Variants in SPG11 observed in about 807,000 individuals in gnomAD.
SPG11 encodes the protein spatacsin.
A neutral mutation model predicts 274.0 loss-of-function variants in SPG11; 222 were observed. The observed-to-expected ratio is 0.81, with a 90% CI of 0.73 to 0.91. SPG11 has a LOEUF of 0.91. Among genes scored for constraint, SPG11 ranks in the 40% least tolerant of loss-of-function variants. The pLI, the probability that SPG11 is intolerant of heterozygous loss-of-function variation, is 0.00. For missense variants in SPG11, 3,114 were observed against 2,872.7 expected (o/e 1.08, Z -1.92); for synonymous variants, 1,144 against 1,039.7 (o/e 1.10, Z -1.93).
chr15:44,572,704 G>C lies in SPG11; in HGVS notation c.6322C>G (p.Pro2108Ala), dbSNP rs1215626378. ...MKLLDKISSVPHGELSCTTEL... is the reference protein window; with the variant it reads ...MKLLDKISSVAHGELSCTTEL... ...TTACTGCAAGACAGTTCCCCATGGG[G>C]AACGGAGGAAATCTTATCCAACAAC... The change falls in exon 33 of 40, where the codon CCC becomes GCC. Residue 2108 changes from proline (P) to alanine (A), a missense_variant. By Grantham distance (27) the Pro-to-Ala change is conservative (BLOSUM62 -1). Transcript: ENST00000261866. 6.2e-7 allele frequency: 1 copy of C among 1,614,166 alleles called. No individual in the cohort carries two copies. The highest frequency in any genetic ancestry group is 1.7e-5 in the Admixed American group (1 of 60,008).
chr15:44,636,968 A>AAAAAAAAG (rs2084294668), intron 7 of SPG11, among the ~76,000 whole-genome samples: 1 of 146,634 alleles, frequency 6.8e-6, no homozygotes, highest in Non-Finnish European at 1.5e-5. Flanking sequence ...CAAAAAAAAA[A>AAAAAAAAG]CACAAATGTG....
chr15:44,600,338 G>A (rs1332144941), intron 21 of SPG11, 129 bp downstream of exon 21: 1 of 936,492 alleles, frequency 1.1e-6, no homozygotes, highest in Non-Finnish European at 1.7e-6. Flanking sequence ...AGGCTAGAGT[G>A]CAGTGGCATG....
intron 31 of SPG11, 60 bp from the exon 32 acceptor site, chr15:44,573,805 C>G: frequency 6.5e-7 from 1 of 1,536,532 alleles, no homozygotes; most frequent in South Asian, 1.1e-5. Flanking sequence ...AGCAAAAGAG[C>G]CCTTTCTGAA....
Position 44,600,604 on chromosome 15 carries a change from A to C in SPG11, c.3549T>G (p.Ser1183=), listed in dbSNP as rs751428578. The C allele has an allele frequency of 1.6e-5, 26 of 1,613,892 alleles. No homozygotes were observed. In the Admixed American group the frequency reaches 4.2e-4, roughly 26 times the overall value. ...GDAWSHLPHF[S]SPDLVNKYAI... ...CATATTTATTAACCAGGTCAGGGCT[A>C]GAGAAATGTGGGAGATGACTCCATG... The change falls in exon 21 of 40, where the codon TCT becomes TCG. Residue 1183 remains serine, a synonymous_variant. Coordinates refer to ENST00000261866, the MANE Select transcript of SPG11 (RefSeq NM_025137.4).
chr15:44,605,348 C>G (rs78981449), intron 20 of SPG11, among the ~76,000 whole-genome samples: 1 of 152,106 alleles, frequency 6.6e-6, no homozygotes, highest in South Asian at 2.1e-4. Flanking sequence ...AAAACACATA[C>G]ATTAAGAAAT....
chr15:44,642,521 A>G (rs1310210269), intron 7 of SPG11, among the ~76,000 whole-genome samples: 1 of 151,786 alleles, frequency 6.6e-6, no homozygotes, highest in Non-Finnish European at 1.5e-5. Context: ...TTATTTGGGG[A>G]TACATTTATA....
chr15:44,590,917 G>A (rs1441505486), intron 27 of SPG11: 1 of 152,156 alleles, frequency 6.6e-6, no homozygotes, highest in Non-Finnish European at 1.5e-5. Flanking sequence ...CTTTTTGGCT[G>A]TGACGTAGGT....
At chr15:44,598,083 T>C (rs923725622) in intron 23 of SPG11, among the ~76,000 whole-genome samples, 182 bp downstream of exon 23, 1 of 152,194 alleles carries the variant, frequency 6.6e-6, no homozygotes, top group Non-Finnish European at 1.5e-5. Context: ...TTTTCACTGA[T>C]GGCAAGATGC....
At chr15:44,591,884 T>G (rs1436693423) in intron 27 of SPG11, among the ~76,000 whole-genome samples, 2 of 151,992 alleles carry the variant, frequency 1.3e-5, no homozygotes, top group African/African-American at 4.8e-5. Context: ...CTGAAGTGGG[T>G]GGATCACTTG....
Position 44,589,376 on chromosome 15 carries a change from A to G in SPG11, c.4782T>C (p.Pro1594=). The G allele has an allele frequency of 6.2e-7, 1 of 1,614,166 alleles. No individual in the cohort carries two copies. Among genetic ancestry groups the G allele is most frequent in the Non-Finnish European group, 8.5e-7 (1 of 1,179,964 alleles). The stretch of plus-strand genomic sequence containing the variant: ...ACACCTGATCCTCCAGCCACATGGC[A>G]GGGATGACAGGGTGGACCTTTGTGG... ...TAATKVHPVI[P]AMWLEDQVCF... The change falls in exon 28 of 40, where the codon CCT becomes CCC. Residue 1594 remains proline (P), a synonymous_variant. Coordinates refer to ENST00000261866, the MANE Select transcript of SPG11 (RefSeq NM_025137.4).
intron 38 of SPG11, among the ~76,000 whole-genome samples, chr15:44,564,985 C>T (rs1271770612): frequency 6.6e-6 from 1 of 152,190 alleles, no homozygotes; most frequent in Non-Finnish European, 1.5e-5. Context: ...GATCCTCCCG[C>T]CTCAGCCTCC....
In SPG11 at chr15:44,638,585, C is replaced by G. The variant is rs144294439; in HGVS notation, c.1603-4948G>C. Reference sequence around the variant, plus strand: ...TACATTATATTTCCTAGGATAGCTTCTTAAAGAACAGAAAGTGAATAATTT... The same window carrying G: ...TACATTATATTTCCTAGGATAGCTTGTTAAAGAACAGAAAGTGAATAATTT... On this transcript the variant is annotated intron_variant, in intron 7 of 39. Transcript: ENST00000261866. Among the ~76,000 whole-genome samples the G allele has an allele frequency of 7.6e-3, 1,143 of 150,366 alleles. 17 individuals are homozygous for G. The highest frequency in any genetic ancestry group is 0.026 in the African/African-American group (1,056 of 40,886).
At chr15:44,566,168 C>A in intron 37 of SPG11, 49 bp downstream of exon 37, 4 of 1,606,710 alleles carry the variant, frequency 2.5e-6, no homozygotes, top group Non-Finnish European at 3.4e-6. Context: ...AATAATTTTA[C>A]TGCAGACAGC....
intron 33 of SPG11, among the ~76,000 whole-genome samples, chr15:44,571,935 G>A (rs956222188): frequency 2.0e-5 from 3 of 152,180 alleles, no homozygotes; most frequent in African/African-American, 7.2e-5. Context: ...GGGACTACAG[G>A]TGTGCACCAC....
At position 44,659,134 on chromosome 15, in the gene SPG11, A is replaced by G. The variant is rs906644527; in HGVS notation, c.612T>C (p.Ile204=). ...PLPAQAVDMI[I]DTQLCRGILF... ...GAATTCCTCTGCAGAGCTGCGTGTC[A>G]ATAATCATGTCCACTGCCTGTGCAG... Residue 204 remains isoleucine, a synonymous_variant, in exon 3 of 40, where the codon ATT becomes ATC. Coordinates refer to ENST00000261866, the MANE Select transcript of SPG11 (RefSeq NM_025137.4). 5 of 1,614,120 alleles carry G rather than the reference A, an allele frequency of 3.1e-6. No individual in the cohort carries two copies. The highest frequency in any genetic ancestry group is 1.7e-5 in the Admixed American group (1 of 60,014).
intron 17 of SPG11, among the ~76,000 whole-genome samples, chr15:44,611,429 A>C (rs898228503): frequency 6.6e-6 from 1 of 152,224 alleles, no homozygotes; most frequent in Non-Finnish European, 1.5e-5. Flanking sequence ...AATGCAAATT[A>C]ATTAGATGCC....
intron 33 of SPG11, among the ~76,000 whole-genome samples, chr15:44,571,303 C>T (rs1334519388): frequency 4.6e-5 from 7 of 152,012 alleles, no homozygotes; most frequent in Admixed American, 6.6e-5. Flanking sequence ...TTGGACATTT[C>T]GTCCAGAACT....
chr15:44,591,090 C>T (rs570239330), intron 27 of SPG11, among the ~76,000 whole-genome samples: 9 of 152,336 alleles, frequency 5.9e-5, no homozygotes, highest in African/African-American at 2.2e-4. Context: ...GTGGTCCTCC[C>T]TGTCCATTTC....
chr15:44,635,362 C>T (rs2141061337), intron 7 of SPG11, among the ~76,000 whole-genome samples: 1 of 151,376 alleles, frequency 6.6e-6, no homozygotes, highest in South Asian at 2.1e-4. Context: ...ACTGCTTGAG[C>T]CCAGGAGTTT....
Sources: gnomAD v4.1 joint callset for allele counts (sites outside exome capture counted in the v4.1 genomes callset) on GRCh38, gnomAD v4.1.1 for gene constraint, MANE v1.5 for transcripts, NCBI Gene and HGNC (gene_info 2026-07-23, HGNC 2026-07-21) for gene names.